The following KCNH5 variants were observed in gnomAD, a reference collection of about 807,000 sequenced individuals.
KCNH5 encodes the protein potassium voltage-gated channel subfamily H member 5.
A neutral mutation model predicts 96.1 loss-of-function variants in KCNH5; 46 were observed. That is an observed-to-expected ratio of 0.48 (90% CI 0.38 to 0.61). The LOEUF is 0.61. KCNH5 is among the 20% of genes least tolerant of loss of function. The probability of loss-of-function intolerance (pLI) is 0.00; values close to 1 mark genes in which losing one functional copy is unlikely to be tolerated. For missense variants in KCNH5, 907 were observed against 1,225.8 expected, an observed-to-expected ratio of 0.74 and a Z score of 3.88; for synonymous variants, 439 against 449.8, an observed-to-expected ratio of 0.98 and a Z score of 0.30.
intron 7 of KCNH5, among the ~76,000 whole-genome samples, chr14:62,903,545 T>A (rs536769424): frequency 6.6e-6 from 1 of 152,282 alleles, no homozygotes; most frequent in South Asian, 2.1e-4. Flanking sequence ...AAGCGTTTGG[T>A]CAGATAATAT....
intron 10 of KCNH5, among the ~76,000 whole-genome samples, chr14:62,737,722 T>TA (rs1885188933): frequency 6.6e-6 from 1 of 152,056 alleles, no homozygotes; most frequent in Admixed American, 6.6e-5. Flanking sequence ...AAATAGGCTC[T>TA]AAAAAAGAAA....
rs1391836516 is a variant in KCNH5 at position 62,699,538 on chromosome 14, G to C, written c.*7970C>G. 2 of 152,116 alleles carry C rather than the reference G, an allele frequency of 1.3e-5. No individual in the cohort carries two copies. Among genetic ancestry groups the C allele is most frequent in the Non-Finnish European group, 2.9e-5 (2 of 68,016 alleles). 9.4% of individuals were successfully genotyped at this position (152,116 alleles called of 1,614,324 possible). A position where few individuals can be genotyped will look rare whatever the true frequency, so the allele number is the denominator to read the frequency against. On this transcript the variant is annotated 3_prime_UTR_variant, in exon 11 of 11. Coordinates refer to ENST00000322893, the MANE Select transcript of KCNH5 (RefSeq NM_139318.5). The stretch of plus-strand genomic sequence containing the variant: ...TAAATAAAGTGTGAAAAAAAGCAAA[G>C]TTAGTCCTCCCTGATGAAATACAGT...
At chr14:62,981,316 A>C in intron 5 of KCNH5, 52 bp from the exon 6 acceptor site, 1 of 1,553,836 alleles carries the variant, frequency 6.4e-7, no homozygotes, top group Non-Finnish European at 8.8e-7. Flanking sequence ...CTGCACAGTC[A>C]GTGATGAATT....
At chr14:62,901,837 T>C (rs1452277760) in intron 7 of KCNH5, among the ~76,000 whole-genome samples, 1 of 152,232 alleles carries the variant, frequency 6.6e-6, no homozygotes, top group South Asian at 2.1e-4. Context: ...TAATTTACAT[T>C]CCAATCAACA....
chr14:62,980,640 C>G (rs73278521), intron 6 of KCNH5, among the ~76,000 whole-genome samples: 3,281 of 152,238 alleles, frequency 0.022, 127 homozygotes, highest in African/African-American at 0.076. Context: ...TCCACTTCTT[C>G]CATCCACAAA....
rs573851363 is a variant in KCNH5 at position 62,719,059 on chromosome 14, A to C, written c.2020-10604T>G. ...CTGCTAGGCATAAGGGAAAGTGAGAAAGTGGAATGACCACAAATGTTTGTG... is the reference window on the plus strand; with the variant it reads ...CTGCTAGGCATAAGGGAAAGTGAGACAGTGGAATGACCACAAATGTTTGTG... On this transcript the variant is annotated intron_variant, in intron 10 of 10. Transcript: ENST00000322893. 7.2e-5 allele frequency among the ~76,000 whole-genome samples: 11 copies of C among 152,348 alleles called. No individual in the cohort carries two copies. The South Asian group carries it at 2.1e-3, about 29-fold the overall frequency.
chr14:62,749,564 C>G (rs1481369188), intron 10 of KCNH5, among the ~76,000 whole-genome samples: 1 of 152,192 alleles, frequency 6.6e-6, no homozygotes, highest in African/African-American at 2.4e-5. Context: ...TTTCCATATT[C>G]AAGAAGTGTG....
chr14:62,707,773 A>G lies in KCNH5; in HGVS notation c.2702T>C (p.Ile901Thr). 1 of 1,614,030 alleles carries G rather than the reference A, an allele frequency of 6.2e-7. No homozygotes were observed. The highest frequency in any genetic ancestry group is 8.5e-7 in the Non-Finnish European group (1 of 1,180,000). The part of the protein sequence containing the change: ...QADAKHPFYP[I>T]PEQALQTTLQ... The stretch of plus-strand genomic sequence containing the variant: ...TGTGGTCTGTAAGGCCTGCTCGGGG[A>G]TGGGATAAAAGGGGTGCTTGGCATC... The change falls in exon 11 of 11, where the codon ATC (isoleucine) becomes ACC (threonine). Residue 901 changes from isoleucine (I) to threonine (T), a missense_variant. Transcript: ENST00000322893.
intron 1 of KCNH5, among the ~76,000 whole-genome samples, chr14:63,034,652 G>A (rs1265914356): frequency 6.6e-6 from 1 of 152,308 alleles, no homozygotes; most frequent in Admixed American, 6.5e-5. Context: ...CAGGTGTCAT[G>A]AAAGATAAAA....
At chr14:62,951,962 CAAA>C (rs36114434) in intron 6 of KCNH5, among the ~76,000 whole-genome samples, 1 of 105,536 alleles carries the variant, frequency 9.5e-6, no homozygotes. Flanking sequence ...GACTCCGTCT[CAAA>C]AAAAAAAAAA....
chr14:62,886,439 T>C (rs990315467), intron 7 of KCNH5, among the ~76,000 whole-genome samples: 1 of 152,222 alleles, frequency 6.6e-6, no homozygotes, highest in African/African-American at 2.4e-5. Flanking sequence ...TTCTCTTTAA[T>C]GGCTGTACTG....
intron 8 of KCNH5, among the ~76,000 whole-genome samples, chr14:62,837,178 T>C (rs761268741): frequency 2.0e-5 from 3 of 152,106 alleles, no homozygotes; most frequent in Non-Finnish European, 2.9e-5. Context: ...AGGCCAAGTG[T>C]CTCTTTGTGT....
chr14:62,906,601 A>C (rs1391673201), intron 7 of KCNH5, among the ~76,000 whole-genome samples: 2 of 152,230 alleles, frequency 1.3e-5, no homozygotes, highest in African/African-American at 4.8e-5. Flanking sequence ...AACAAATAGA[A>C]TATAGATGGG....
intron 1 of KCNH5, among the ~76,000 whole-genome samples, chr14:63,033,857 C>A (rs766579909): frequency 4.0e-5 from 6 of 151,626 alleles, no homozygotes; most frequent in Non-Finnish European, 5.9e-5. Context: ...AGCAGATATT[C>A]CCCCGCTTTG....
intron 1 of KCNH5, among the ~76,000 whole-genome samples, chr14:63,024,850 C>T (rs1219278444): frequency 6.6e-5 from 10 of 151,954 alleles, no homozygotes; most frequent in African/African-American, 2.4e-4. Context: ...CAAACTCTTC[C>T]AAAAAATTAA....
chr14:62,820,818 T>C (rs1887100098), intron 8 of KCNH5, among the ~76,000 whole-genome samples: 1 of 152,156 alleles, frequency 6.6e-6, no homozygotes, highest in South Asian at 2.1e-4. Flanking sequence ...TGTGTCTTCC[T>C]AATAGAATGA....
intron 6 of KCNH5, among the ~76,000 whole-genome samples, chr14:62,962,201 G>A (rs1890226570): frequency 6.6e-6 from 1 of 152,118 alleles, no homozygotes; most frequent in African/African-American, 2.4e-5. Flanking sequence ...TGTTGAGGTT[G>A]TATTTTTACC....
At chr14:63,018,510 T>C (rs1891368652) in intron 1 of KCNH5, among the ~76,000 whole-genome samples, 1 of 151,966 alleles carries the variant, frequency 6.6e-6, no homozygotes, top group African/African-American at 2.4e-5. Flanking sequence ...AAGATGAATT[T>C]CAGAGTTCAA....
chr14:62,766,465 G>T (rs899130219), intron 10 of KCNH5, among the ~76,000 whole-genome samples: 4 of 152,118 alleles, frequency 2.6e-5, no homozygotes, highest in African/African-American at 9.7e-5. Context: ...AGAAAACGTG[G>T]TATGTATGCA....
Sources: allele counts gnomAD v4.1 joint callset (sites outside exome capture counted in the v4.1 genomes callset), GRCh38; gene constraint gnomAD v4.1.1; transcripts MANE v1.5; gene names NCBI Gene and HGNC (gene_info 2026-07-23, HGNC 2026-07-21).